The following IL5RA variants were observed in gnomAD, a reference collection of about 807,000 sequenced individuals.
The protein encoded by IL5RA is interleukin 5 receptor subunit alpha.
A neutral mutation model predicts 50.0 loss-of-function variants in IL5RA; 49 were observed. The observed-to-expected ratio is 0.98, with a 90% CI of 0.78 to 1.24. The LOEUF is 1.24. IL5RA is among the 50% of genes most tolerant of loss of function. The pLI is 0.00. For missense variants in IL5RA, 600 were observed against 500.4 expected (o/e 1.20, Z -1.90); for synonymous variants, 202 against 174.0 (o/e 1.16, Z -1.26).
chr3:3,085,777 A>G (rs1380827597), intron 9 of IL5RA, among the ~76,000 whole-genome samples: 2 of 152,130 alleles, frequency 1.3e-5, no homozygotes, highest in Non-Finnish European at 2.9e-5. Context: ...CTTAAGTCCT[A>G]ACAGATTCTA....
At chr3:3,096,049 C>T (rs558437291) in intron 7 of IL5RA, among the ~76,000 whole-genome samples, 8 of 152,136 alleles carry the variant, frequency 5.3e-5, no homozygotes, top group East Asian at 1.9e-4. Flanking sequence ...GAGGCCGAGG[C>T]GGGTGGATCA....
At chr3:3,083,198 G>A (rs1457686987) in intron 9 of IL5RA, among the ~76,000 whole-genome samples, 2 of 152,212 alleles carry the variant, frequency 1.3e-5, no homozygotes, top group African/African-American at 4.8e-5. Flanking sequence ...GGCAAGTCAG[G>A]AGCAGACCTT....
chr3:3,106,316 G>A (rs1398651698), intron 2 of IL5RA, among the ~76,000 whole-genome samples: 2 of 152,012 alleles, frequency 1.3e-5, no homozygotes, highest in East Asian at 3.8e-4. Context: ...ATACCTCCAG[G>A]AAATAGCACA....
At chr3:3,079,230 A>G (rs532382714) in intron 9 of IL5RA, among the ~76,000 whole-genome samples, 1 of 152,274 alleles carries the variant, frequency 6.6e-6, no homozygotes. Flanking sequence ...GTCCTGCCTG[A>G]CACTCAGCTC....
chr3:3,081,624 C>T (rs1225274272), intron 9 of IL5RA, among the ~76,000 whole-genome samples: 8 of 152,160 alleles, frequency 5.3e-5, no homozygotes, highest in African/African-American at 1.7e-4. Context: ...ATAACAGTAC[C>T]GTTTTCTTCT....
rs147278641 is a variant in IL5RA, at chr3:3,103,847, C to T, written c.83-1027G>A. The stretch of plus-strand genomic sequence containing the variant: ...TTAATTTTTTTTACCACAATTAGGA[C>T]GGTATTGTACACACAACTACAAAAC... On this transcript the variant is annotated intron_variant, in intron 3 of 11. Transcript: ENST00000446632. Among the ~76,000 whole-genome samples, 260 of 152,212 alleles carry T rather than the reference C, an allele frequency of 1.7e-3. 2 individuals carry two copies. Among genetic ancestry groups the T allele is most frequent in the African/African-American group, 5.2e-3 (218 of 41,540 alleles).
intron 3 of IL5RA, 63 bp from the exon 4 acceptor site, chr3:3,102,883 A>C: frequency 7.1e-7 from 1 of 1,409,974 alleles, no homozygotes; most frequent in East Asian, 2.4e-5. Flanking sequence ...GCACTTTTAA[A>C]ACTTTTCGAA....
Position 3,089,917 on chromosome 3 carries a change from G to C in IL5RA, c.994+2307C>G, listed in dbSNP as rs531983675. On this transcript the variant is annotated intron_variant, in intron 9 of 11. Coordinates refer to ENST00000446632, the MANE Select transcript of IL5RA (RefSeq NM_175726.4). The stretch of plus-strand genomic sequence containing the variant: ...TGTGAGCCACCGCACCCATCCCCAA[G>C]ATCTCTTAAATAAGACTTTAATCTA... The C allele has an allele frequency of 2.6e-4, 69 of 261,444 alleles. No homozygotes were observed. In the East Asian group the frequency reaches 6.9e-3, roughly 26 times the overall value. The allele number at this position is 261,444 out of a possible 1,614,324, so 16.2% of individuals were successfully genotyped here.
At chr3:3,077,274 A>G (rs1427344586) in intron 9 of IL5RA, among the ~76,000 whole-genome samples, 1 of 152,190 alleles carries the variant, frequency 6.6e-6, no homozygotes, top group Admixed American at 6.5e-5. Context: ...TTGAATCTAC[A>G]TTTAAGGGAC....
In IL5RA at chr3:3,108,698, G is replaced by A. The variant is rs1441922604; in HGVS notation, c.-145-7C>T. On this transcript the variant is annotated splice_region_variant and splice_polypyrimidine_tract_variant and intron_variant, in intron 1 of 11. Transcript: ENST00000446632. ...ATGCTCAATGTGCCTGGCCCTGTGT[G>A]GAATAGAAGCAAATTAGTGCACAGC... 7.9e-5 allele frequency: 12 copies of A among 152,124 alleles called. No homozygotes were observed. 9.4% of individuals were successfully genotyped at this position (152,124 alleles called of 1,614,324 possible). A position where few individuals can be genotyped will look rare whatever the true frequency, so the allele number is the denominator to read the frequency against.
chr3:3,109,344 A>G (rs1183342276), intron 1 of IL5RA, among the ~76,000 whole-genome samples: 3 of 152,226 alleles, frequency 2.0e-5, no homozygotes. Flanking sequence ...CTTCAGTTAG[A>G]TAAAGTGCCT....
chr3:3,075,839 G>A (rs1166433090), intron 10 of IL5RA, among the ~76,000 whole-genome samples: 21 of 151,654 alleles, frequency 1.4e-4, no homozygotes, highest in Non-Finnish European at 2.5e-4. Context: ...TGACCTCATG[G>A]TCCACCCGCT....
chr3:3,095,113 A>C (rs1703297375), intron 8 of IL5RA, among the ~76,000 whole-genome samples, 186 bp downstream of exon 8: 2 of 152,302 alleles, frequency 1.3e-5, no homozygotes, highest in East Asian at 3.9e-4. Flanking sequence ...TGTTCTTTCA[A>C]AACAAAAGGC....
chr3:3,101,202 G>C (rs1426711017), intron 5 of IL5RA, among the ~76,000 whole-genome samples: 1 of 149,686 alleles, frequency 6.7e-6, no homozygotes, highest in Non-Finnish European at 1.5e-5. Context: ...AAAAGTAAAT[G>C]AGAAGATCTT....
intron 11 of IL5RA, among the ~76,000 whole-genome samples, chr3:3,071,308 C>G (rs1184291005): frequency 6.6e-6 from 1 of 152,118 alleles, no homozygotes; most frequent in African/African-American, 2.4e-5. Context: ...AAACAAGGAA[C>G]AGCTGGAAAC....
At chr3:3,090,626 G>A (rs1703051430) in intron 9 of IL5RA, among the ~76,000 whole-genome samples, 2 of 147,182 alleles carry the variant, frequency 1.4e-5, no homozygotes, top group South Asian at 4.3e-4. Context: ...GAGTGCAGTG[G>A]TGCGATCTCG....
At chr3:3,103,006 C>G in intron 3 of IL5RA, 186 bp from the exon 4 acceptor site, 1 of 481,078 alleles carries the variant, frequency 2.1e-6, no homozygotes, top group South Asian at 2.8e-5. Flanking sequence ...ACCCGAGTAG[C>G]TGGGACTACA....
intron 2 of IL5RA, among the ~76,000 whole-genome samples, chr3:3,107,192 T>C (rs1703963986): frequency 6.6e-6 from 1 of 152,122 alleles, no homozygotes; most frequent in Admixed American, 6.6e-5. Flanking sequence ...ACAAAATCAG[T>C]TGTCCTATAG....
intron 5 of IL5RA, among the ~76,000 whole-genome samples, chr3:3,098,727 C>G (rs558455491): frequency 6.6e-6 from 1 of 152,282 alleles, no homozygotes; most frequent in East Asian, 1.9e-4. Context: ...TTCTAGAAAC[C>G]TACTAACTAC....
Sources: allele counts gnomAD v4.1 joint callset (sites outside exome capture counted in the v4.1 genomes callset), GRCh38; gene constraint gnomAD v4.1.1; transcripts MANE v1.5; gene names NCBI Gene and HGNC (gene_info 2026-07-23, HGNC 2026-07-21).